The following STX6 variants were observed in gnomAD, a reference collection of about 807,000 sequenced individuals.
The protein encoded by STX6 is syntaxin 6, also known as syntaxin-6.
Under a neutral mutation model 38.0 loss-of-function variants are expected in STX6, and 23 were observed. That is an observed-to-expected ratio of 0.60 (90% CI 0.43 to 0.86). STX6 has a LOEUF of 0.86. Ranked by LOEUF, STX6 falls within the 40% of genes least tolerant of loss-of-function variation. STX6 has a pLI of 0.00. For synonymous variants in STX6, 123 were observed against 107.5 expected, an observed-to-expected ratio of 1.14 and a Z score of -0.89; for missense variants, 274 against 312.9, an observed-to-expected ratio of 0.88 and a Z score of 0.94.
At chr1:181,005,607 A>C in intron 1 of STX6, 144 bp from the exon 2 acceptor site, 1 of 716,736 alleles carries the variant, frequency 1.4e-6, no homozygotes, top group Non-Finnish European at 2.2e-6. Context: ...GACAAATATC[A>C]AAGTTCAAAA....
chr1:180,990,073 T>G lies in STX6; in HGVS notation c.400A>C (p.Thr134Pro), dbSNP rs543480373. 7 of 1,614,136 alleles carry G rather than the reference T, an allele frequency of 4.3e-6. No homozygotes were observed. The African/African-American group carries it at 6.7e-5, about 15-fold the overall frequency. ...CGCCCATATTTATCTGTTGTTCCAG[T>G]GCTCCAGTTCTGGCTGCCACTGTCT... is the stretch of plus-strand genomic sequence containing the variant. Reference protein sequence around the residue: ...LGDSGSQNWSTGTTDKYGRLD... With the variant: ...LGDSGSQNWSPGTTDKYGRLD... The change falls in exon 5 of 8, where the codon ACT becomes CCT. Residue 134 changes from threonine to proline, a missense_variant. Thr to Pro is a conservative substitution (Grantham distance 38). Transcript: ENST00000258301.
At chr1:181,000,146 GA>G (rs1232205305) in intron 3 of STX6, among the ~76,000 whole-genome samples, 1 of 152,126 alleles carries the variant, frequency 6.6e-6, no homozygotes, top group Admixed American at 6.5e-5. Context: ...ATTTAAACAA[GA>G]ATGATTTAAA....
chr1:180,982,248 C>G (rs1320772687), intron 7 of STX6, among the ~76,000 whole-genome samples: 1 of 152,050 alleles, frequency 6.6e-6, no homozygotes, highest in Non-Finnish European at 1.5e-5. Context: ...TGAACTTCTG[C>G]AAAAATTATG....
At chr1:181,004,372 G>A (rs1207454466) in intron 2 of STX6, among the ~76,000 whole-genome samples, 1 of 152,214 alleles carries the variant, frequency 6.6e-6, no homozygotes, top group Non-Finnish European at 1.5e-5. Flanking sequence ...CTGGTCCCCA[G>A]AGAAACCAAC....
chr1:181,016,891 A>T (rs766193084), intron 1 of STX6, among the ~76,000 whole-genome samples: 27 of 151,364 alleles, frequency 1.8e-4, no homozygotes, highest in Admixed American at 1.4e-3. Flanking sequence ...GTTCAAGACC[A>T]GCCTGGTAAA....
chr1:181,013,476 G>A (rs765792527), intron 1 of STX6, among the ~76,000 whole-genome samples: 1 of 152,106 alleles, frequency 6.6e-6, no homozygotes, highest in African/African-American at 2.4e-5. Context: ...ACACTACCAC[G>A]CCAAGCTAAT....
intron 6 of STX6, 91 bp downstream of exon 6, chr1:180,988,148 C>G (rs983180456): frequency 1.2e-6 from 1 of 819,952 alleles, no homozygotes; most frequent in African/African-American, 1.7e-5. Context: ...TTGATTTTAC[C>G]AGCCACGTAG....
At chr1:181,008,111 C>T (rs1656281028) in intron 1 of STX6, among the ~76,000 whole-genome samples, 1 of 152,176 alleles carries the variant, frequency 6.6e-6, no homozygotes, top group South Asian at 2.1e-4. Context: ...AACTTGACAA[C>T]TGGCTGTTAA....
At chr1:181,005,773 C>T (rs997487776) in intron 1 of STX6, among the ~76,000 whole-genome samples, 6 of 152,170 alleles carry the variant, frequency 3.9e-5, no homozygotes, top group African/African-American at 1.4e-4. Context: ...AGCAATCCTA[C>T]AAATTAACTA....
At chr1:180,983,288 C>T (rs1655466500) in intron 7 of STX6, among the ~76,000 whole-genome samples, 1 of 152,132 alleles carries the variant, frequency 6.6e-6, no homozygotes, top group Non-Finnish European at 1.5e-5. Flanking sequence ...ATGTACCTGA[C>T]AGTAGGAAAC....
intron 1 of STX6, among the ~76,000 whole-genome samples, chr1:181,014,486 A>G (rs1331299047): frequency 2.0e-5 from 3 of 152,052 alleles, no homozygotes; most frequent in Non-Finnish European, 4.4e-5. Flanking sequence ...ATCTGCCACA[A>G]CTCTTTTATC....
In STX6 at chr1:180,972,855, G is replaced by T; in HGVS notation, c.*3715C>A. 5.9e-5 allele frequency: 12 copies of T among 202,256 alleles called. No individual in the cohort carries two copies. The highest frequency in any genetic ancestry group is 2.1e-4 in the South Asian group (3 of 14,406). 12.5% of individuals were successfully genotyped at this position (202,256 alleles called of 1,614,324 possible). ...AGGTACCTGCTTTCAGCAAATTCTG[G>T]TTTGGTTTTATTTTTTAATCAAAAA... is the stretch of plus-strand genomic sequence containing the variant. On this transcript the variant is annotated 3_prime_UTR_variant, in exon 8 of 8. Coordinates refer to ENST00000258301, the MANE Select transcript of STX6 (RefSeq NM_005819.6).
At chr1:180,997,579 A>G (rs1655949319) in intron 3 of STX6, among the ~76,000 whole-genome samples, 2 of 152,218 alleles carry the variant, frequency 1.3e-5, no homozygotes, top group African/African-American at 4.8e-5. Context: ...TCTCTCATTA[A>G]TATCTCTTAT....
At chr1:181,011,036 G>C (rs1410342928) in intron 1 of STX6, among the ~76,000 whole-genome samples, 1 of 152,108 alleles carries the variant, frequency 6.6e-6, no homozygotes, top group African/African-American at 2.4e-5. Context: ...TGAAAGAAAT[G>C]GCAGGAATTA....
In STX6 at chr1:181,022,677, G is replaced by A; in HGVS notation, c.-4C>T. Reference sequence around the variant, plus strand: ...AGAAGGGGTCCTCCATGGACATGGCGTCCCGGCCCCGGCCGCCTTCACCTC... The same window carrying A: ...AGAAGGGGTCCTCCATGGACATGGCATCCCGGCCCCGGCCGCCTTCACCTC... On this transcript the variant is annotated 5_prime_UTR_variant, in exon 1 of 8. In the 5' UTR this introduces an upstream ATG that the reference lacks. Transcript: ENST00000258301. 6.2e-7 allele frequency: 1 copy of A among 1,608,420 alleles called. No individual in the cohort carries two copies. Among genetic ancestry groups the A allele is most frequent in the Admixed American group, 1.7e-5 (1 of 59,534 alleles).
chr1:180,989,883 C>T lies in STX6; in HGVS notation c.489+101G>A, dbSNP rs567840216. ...CAACACAGGACAAGCTCTGGCTTAC[C>T]CTCCTTGTCACTAAGCCACAAGACC... On this transcript the variant is annotated intron_variant, in intron 5 of 7. Coordinates refer to ENST00000258301, the MANE Select transcript of STX6 (RefSeq NM_005819.6). 1.3e-4 allele frequency: 183 copies of T among 1,402,738 alleles called. 1 individual carries two copies. In the African/African-American group the frequency reaches 2.1e-3, roughly 16 times the overall value. 86.9% of individuals were successfully genotyped at this position (1,402,738 alleles called of 1,614,324 possible).
At chr1:181,017,265 C>T (rs948842884) in intron 1 of STX6, among the ~76,000 whole-genome samples, 2 of 148,678 alleles carry the variant, frequency 1.3e-5, no homozygotes. Context: ...TGGTGGCGGG[C>T]ACCTGTAGTC....
chr1:181,018,281 G>C (rs1309332802), intron 1 of STX6, among the ~76,000 whole-genome samples: 3 of 150,852 alleles, frequency 2.0e-5, no homozygotes, highest in Non-Finnish European at 4.4e-5. Flanking sequence ...TACTTGGGAG[G>C]GTGTGGCAGG....
intron 7 of STX6, among the ~76,000 whole-genome samples, chr1:180,979,704 T>C (rs1052670173): frequency 6.6e-6 from 1 of 152,188 alleles, no homozygotes; most frequent in South Asian, 2.1e-4. Flanking sequence ...TGGGATGTCA[T>C]TAAAATTAAA....
Sources: allele counts gnomAD v4.1 joint callset (sites outside exome capture counted in the v4.1 genomes callset), GRCh38; gene constraint gnomAD v4.1.1; transcripts MANE v1.5; gene names NCBI Gene and HGNC (gene_info 2026-07-23, HGNC 2026-07-21).